Variants in TSPAN7 observed in about 807,000 individuals in gnomAD.
The protein encoded by TSPAN7 is tetraspanin 7.
TSPAN7 carries 1 observed loss-of-function variant against 17.6 expected under a neutral mutation model. The ratio of observed to expected loss-of-function variants is 0.06; its 90% confidence interval spans 0.02 to 0.27. TSPAN7 has a LOEUF of 0.27. TSPAN7 is among the 10% of genes least tolerant of loss of function. The pLI, the probability that TSPAN7 is intolerant of heterozygous loss-of-function variation, is 1.00. For missense variants in TSPAN7, 112 were observed against 201.7 expected (o/e 0.56, Z 2.69); for synonymous variants, 78 against 79.0 (o/e 0.99, Z 0.07).
intron 1 of TSPAN7, among the ~76,000 whole-genome samples, chrX:38,631,712 T>C (rs1176405810): frequency 1.8e-5 from 2 of 111,935 alleles, no homozygotes; most frequent in Non-Finnish European, 3.8e-5. Flanking sequence ...CTTGAAGGAT[T>C]GGCTCTTTCA....
At chrX:38,662,281 G>A (rs1411328116) in intron 1 of TSPAN7, among the ~76,000 whole-genome samples, 1 of 111,728 alleles carries the variant, frequency 9.0e-6, no homozygotes, top group African/African-American at 3.3e-5. Flanking sequence ...CAGATTACTG[G>A]CCCTTTCTGG....
intron 1 of TSPAN7, among the ~76,000 whole-genome samples, chrX:38,624,405 G>T (rs1462180508): frequency 8.9e-6 from 1 of 112,149 alleles, no homozygotes; most frequent in East Asian, 2.8e-4. Flanking sequence ...AAGGTACTAT[G>T]CAAGGACAAT....
chrX:38,663,577 G>C (rs1038840396), intron 1 of TSPAN7, among the ~76,000 whole-genome samples: 2 of 112,166 alleles, frequency 1.8e-5, no homozygotes, highest in Admixed American at 9.4e-5. Context: ...TCTGAAAATG[G>C]AGTATTTGTG....
intron 1 of TSPAN7, among the ~76,000 whole-genome samples, chrX:38,581,852 A>G (rs1369757412): frequency 8.9e-6 from 1 of 112,612 alleles, no homozygotes; most frequent in Non-Finnish European, 1.9e-5. Context: ...TGAACAAGAC[A>G]GAAGCCAAGG....
intron 1 of TSPAN7, chrX:38,646,166 A>G (rs1245880322): frequency 7.4e-6 from 6 of 812,365 alleles, no homozygotes; most frequent in Non-Finnish European, 9.8e-6. Flanking sequence ...ACCTGTAAAT[A>G]CATTAAAACT....
chrX:38,602,557 C>T (rs1292749638), intron 1 of TSPAN7, among the ~76,000 whole-genome samples: 1 of 112,099 alleles, frequency 8.9e-6, no homozygotes, highest in Admixed American at 9.4e-5. Context: ...ATGCACATGG[C>T]TGCCAATAAA....
intron 1 of TSPAN7, among the ~76,000 whole-genome samples, chrX:38,568,543 C>A (rs1258107704): frequency 9.0e-6 from 1 of 110,741 alleles, no homozygotes; most frequent in East Asian, 2.8e-4. Flanking sequence ...TATTCTGATT[C>A]TTCTTGAATC....
At chrX:38,641,622 TG>T (rs2069612399) in intron 1 of TSPAN7, among the ~76,000 whole-genome samples, 1 of 111,917 alleles carries the variant, frequency 8.9e-6, no homozygotes. Context: ...CTTTAAATTT[TG>T]TTCATGTACT....
intron 3 of TSPAN7, among the ~76,000 whole-genome samples, chrX:38,671,929 T>G (rs2069823415): frequency 9.0e-6 from 1 of 110,861 alleles, no homozygotes; most frequent in Non-Finnish European, 1.9e-5. Flanking sequence ...GCTTCTATAG[T>G]CCCAGCTACT....
chrX:38,633,685 A>G (rs1346240921), intron 1 of TSPAN7, among the ~76,000 whole-genome samples: 5 of 112,236 alleles, frequency 4.5e-5, no homozygotes, highest in African/African-American at 1.6e-4. Context: ...TGGACTTCTT[A>G]TCGGGTTTCA....
At chrX:38,610,722 T>C (rs908861773) in intron 1 of TSPAN7, among the ~76,000 whole-genome samples, 1 of 112,286 alleles carries the variant, frequency 8.9e-6, no homozygotes, top group Non-Finnish European at 1.9e-5. Context: ...CATGTCTTGA[T>C]ACACTTCACT....
chrX:38,624,092 GT>G (rs1385476933), intron 1 of TSPAN7, among the ~76,000 whole-genome samples: 1 of 110,443 alleles, frequency 9.1e-6, no homozygotes, highest in Admixed American at 9.6e-5. Context: ...GCTTTTGAGT[GT>G]TTTTTTGTTT....
intron 1 of TSPAN7, among the ~76,000 whole-genome samples, chrX:38,655,026 G>T (rs1046106812): frequency 1.8e-5 from 2 of 112,013 alleles, no homozygotes; most frequent in African/African-American, 6.5e-5. Flanking sequence ...GGCCTGTGAG[G>T]CTGCAGCAGA....
chrX:38,614,910 T>G (rs2069445402), intron 1 of TSPAN7, among the ~76,000 whole-genome samples: 1 of 112,250 alleles, frequency 8.9e-6, no homozygotes, highest in Non-Finnish European at 1.9e-5. Context: ...GAGTTTTGCT[T>G]TTTTTGCAAC....
In TSPAN7 at chrX:38,561,551, C is replaced by T; in HGVS notation, c.5C>T (p.Ala2Val). ...CCGCCGCCGGAGCTCTGTAGTATGG[C>T]ATCGAGGAGAATGGAGACCAAACCT... M[A>V]SRRMETKPVI... Residue 2 changes from alanine (A) to valine (V), a missense_variant, in exon 1 of 8, where the codon GCA (alanine) becomes GTA (valine). Physicochemically the swap from Ala to Val is moderately conservative, Grantham distance 64 (BLOSUM62 0). Coordinates refer to ENST00000378482, the MANE Select transcript of TSPAN7 (RefSeq NM_004615.4). The T allele has an allele frequency of 8.4e-7, 1 of 1,194,066 alleles. No homozygotes were observed. The highest frequency in any genetic ancestry group is 1.1e-6 in the Non-Finnish European group (1 of 885,267).
chrX:38,608,337 C>T (rs2069397411), intron 1 of TSPAN7: 1 of 110,528 alleles, frequency 9.0e-6, no homozygotes, highest in Admixed American at 9.7e-5. Flanking sequence ...GAACTGTTAG[C>T]ATGTGCCAAA....
At chrX:38,630,318 C>G (rs1473755787) in intron 1 of TSPAN7, among the ~76,000 whole-genome samples, 5 of 112,103 alleles carry the variant, frequency 4.5e-5, no homozygotes, top group Non-Finnish European at 9.4e-5. Flanking sequence ...TCTTTATATT[C>G]ATGATTTTTA....
At chrX:38,590,921 T>C (rs1034152888) in intron 1 of TSPAN7, among the ~76,000 whole-genome samples, 8 of 111,791 alleles carry the variant, frequency 7.2e-5, no homozygotes, top group African/African-American at 2.6e-4. Context: ...GTCTTCCCTC[T>C]GCTTTTTCAA....
chrX:38,566,657 T>C (rs906981321), intron 1 of TSPAN7, among the ~76,000 whole-genome samples: 2 of 112,089 alleles, frequency 1.8e-5, no homozygotes, highest in Non-Finnish European at 3.8e-5. Context: ...ATTATATTTT[T>C]GTGATCAGTT....
Sources: allele counts gnomAD v4.1 joint callset (sites outside exome capture counted in the v4.1 genomes callset), GRCh38; gene constraint gnomAD v4.1.1; transcripts MANE v1.5; gene names NCBI Gene and HGNC (gene_info 2026-07-23, HGNC 2026-07-21).